Variants in MBD5 observed in about 807,000 individuals in gnomAD.
MBD5 encodes the protein methyl-CpG binding domain protein 5, also known as methyl-CpG-binding domain protein 5.
In MBD5, 13 loss-of-function variants were observed where a neutral mutation model predicts 117.3. The observed-to-expected ratio is 0.11, with a 90% confidence interval of 0.07 to 0.18. The LOEUF (loss-of-function observed/expected upper bound fraction) is 0.18, where lower values mean the gene tolerates loss of function less well. Ranked by LOEUF, MBD5 falls within the 10% of genes least tolerant of loss-of-function variation. The pLI is 1.00. For synonymous variants in MBD5, 727 were observed against 766.4 expected (o/e 0.95, Z 0.85); for missense variants, 1,879 against 2,093.8 (o/e 0.90, Z 2.00).
intron 5 of MBD5, 63 bp from the exon 6 acceptor site, chr2:148,462,519 T>G: frequency 9.1e-7 from 1 of 1,094,354 alleles, no homozygotes; most frequent in South Asian, 1.2e-5. Context: ...AAATTATGCC[T>G]TTTTTCATAT....
intron 3 of MBD5, among the ~76,000 whole-genome samples, chr2:148,310,117 G>C (rs1701993590): frequency 6.6e-6 from 1 of 152,112 alleles, no homozygotes; most frequent in Non-Finnish European, 1.5e-5. Flanking sequence ...TTTTTCTGTT[G>C]TGTCTCTGCC....
At chr2:148,097,950 A>G (rs1696110281) in intron 1 of MBD5, among the ~76,000 whole-genome samples, 1 of 152,218 alleles carries the variant, frequency 6.6e-6, no homozygotes, top group Admixed American at 6.5e-5. Flanking sequence ...CATTGAATGT[A>G]GGGGCACAGC....
rs766872919 is a variant in MBD5 at position 148,420,739 on chromosome 2, GT to G, written c.-556-37460del. Among the ~76,000 whole-genome samples, 15 of 150,548 alleles carry G rather than the reference GT, an allele frequency of 1.0e-4. No individual in the cohort carries two copies. In the South Asian group the frequency reaches 3.1e-3, roughly 32 times the overall value. The stretch of plus-strand genomic sequence containing the variant: ...GTTTTGTTTTGTTTTGTTTTGTTTT[GT>G]TTTGTGACAAGGTCTCACTCTGTTG... On this transcript the variant is annotated intron_variant, in intron 4 of 13. Transcript: ENST00000642680.
At chr2:148,236,180 G>C (rs796730715) in intron 3 of MBD5, among the ~76,000 whole-genome samples, 2 of 152,172 alleles carry the variant, frequency 1.3e-5, no homozygotes, top group African/African-American at 4.8e-5. Context: ...CTGAAGATTG[G>C]GATGGCTGTG....
intron 2 of MBD5, among the ~76,000 whole-genome samples, chr2:148,200,079 GAT>G (rs1384788841): frequency 6.6e-6 from 1 of 152,002 alleles, no homozygotes; most frequent in Non-Finnish European, 1.5e-5. Context: ...TGACTATATT[GAT>G]AGTTTCCTCA....
intron 2 of MBD5, among the ~76,000 whole-genome samples, chr2:148,224,509 A>ATTTTTTTTTTTTTTTTGTTTT (rs1699768911): frequency 1.7e-5 from 1 of 58,136 alleles, no homozygotes; most frequent in African/African-American, 8.1e-5. Flanking sequence ...CGCCTGGCTA[A>ATTTTTTTTTTTTTTTTGTTTT]TTTTTTTTTT....
At chr2:148,161,259 C>T (rs950086593) in intron 1 of MBD5, among the ~76,000 whole-genome samples, 1 of 152,152 alleles carries the variant, frequency 6.6e-6, no homozygotes, top group African/African-American at 2.4e-5. Context: ...GCTGTGAGCT[C>T]TAATCCAGAG....
chr2:148,489,036 C>T (rs1439725337), intron 10 of MBD5, among the ~76,000 whole-genome samples: 3 of 152,092 alleles, frequency 2.0e-5, no homozygotes, highest in Admixed American at 6.5e-5. Flanking sequence ...TTTTTGAATC[C>T]TAAATTGCAA....
chr2:148,151,773 G>A (rs1697676488), intron 1 of MBD5, among the ~76,000 whole-genome samples: 1 of 151,808 alleles, frequency 6.6e-6, no homozygotes, highest in South Asian at 2.1e-4. Context: ...TATTTCTGTG[G>A]GATCGGTGGT....
chr2:148,157,891 A>G (rs905805273), intron 1 of MBD5, among the ~76,000 whole-genome samples: 1 of 152,226 alleles, frequency 6.6e-6, no homozygotes, highest in Non-Finnish European at 1.5e-5. Context: ...TAAAATGTTC[A>G]TACTCATTAA....
intron 4 of MBD5, among the ~76,000 whole-genome samples, chr2:148,389,151 A>G (rs1407361851): frequency 6.8e-6 from 1 of 147,598 alleles, no homozygotes; most frequent in African/African-American, 2.5e-5. Context: ...CAAAGGACAT[A>G]ATTTCATTCT....
intron 2 of MBD5, among the ~76,000 whole-genome samples, chr2:148,187,365 T>C (rs1345388910): frequency 2.1e-5 from 3 of 142,864 alleles, no homozygotes; most frequent in Non-Finnish European, 3.0e-5. Context: ...GCATAACAAA[T>C]ATGGAATTGG....
At chr2:148,097,767 A>G (rs1696106811) in intron 1 of MBD5, among the ~76,000 whole-genome samples, 1 of 152,196 alleles carries the variant, frequency 6.6e-6, no homozygotes, top group South Asian at 2.1e-4. Context: ...AACAATTCAG[A>G]AAAGGTTTCC....
At chr2:148,078,588 C>T (rs1695565358) in intron 1 of MBD5, among the ~76,000 whole-genome samples, 1 of 152,128 alleles carries the variant, frequency 6.6e-6, no homozygotes, top group Non-Finnish European at 1.5e-5. Context: ...ATGAACTGCT[C>T]GACCACATAG....
intron 2 of MBD5, among the ~76,000 whole-genome samples, chr2:148,200,070 G>A (rs1699098710): frequency 6.6e-6 from 1 of 152,020 alleles, no homozygotes; most frequent in African/African-American, 2.4e-5. Flanking sequence ...GCATTATTTT[G>A]ACTATATTGA....
intron 4 of MBD5, among the ~76,000 whole-genome samples, chr2:148,353,033 G>C (rs937215536): frequency 6.6e-6 from 1 of 151,990 alleles, no homozygotes; most frequent in African/African-American, 2.4e-5. Flanking sequence ...TCACAATTTA[G>C]TACAATATCT....
At chr2:148,342,604 T>C (rs1392391969) in intron 4 of MBD5, among the ~76,000 whole-genome samples, 1 of 151,998 alleles carries the variant, frequency 6.6e-6, no homozygotes, top group Non-Finnish European at 1.5e-5. Context: ...CATATTTTGT[T>C]ATATCTTCCT....
chr2:148,509,718 C>A (rs1033491034), intron 12 of MBD5, among the ~76,000 whole-genome samples: 1 of 152,182 alleles, frequency 6.6e-6, no homozygotes, highest in Non-Finnish European at 1.5e-5. Flanking sequence ...AACACAGGGC[C>A]GGCTGGAGCC....
chr2:148,114,842 G>T (rs1287347462), intron 1 of MBD5, among the ~76,000 whole-genome samples: 1 of 151,798 alleles, frequency 6.6e-6, no homozygotes, highest in Non-Finnish European at 1.5e-5. Context: ...TTCTTAAATT[G>T]GAAATGTCTT....
Sources: gnomAD v4.1 joint callset for allele counts (sites outside exome capture counted in the v4.1 genomes callset) on GRCh38, gnomAD v4.1.1 for gene constraint, MANE v1.5 for transcripts, NCBI Gene and HGNC (gene_info 2026-07-23, HGNC 2026-07-21) for gene names.